The following IMMP2L variants were observed in gnomAD, a reference collection of about 807,000 sequenced individuals.
The protein encoded by IMMP2L is inner mitochondrial membrane peptidase subunit 2, also known as mitochondrial inner membrane protease subunit 2.
A neutral mutation model predicts 19.3 loss-of-function variants in IMMP2L; 18 were observed. The observed-to-expected ratio is 0.93, with a 90% CI of 0.64 to 1.38. The LOEUF is 1.38. Ranked by LOEUF, IMMP2L falls within the 40% of genes most tolerant of loss-of-function variation. The pLI is 0.00. For missense variants in IMMP2L, 233 were observed against 218.2 expected, an observed-to-expected ratio of 1.07 and a Z score of -0.43; for synonymous variants, 76 against 73.0, an observed-to-expected ratio of 1.04 and a Z score of -0.21.
intron 3 of IMMP2L, among the ~76,000 whole-genome samples, chr7:111,416,478 G>T (rs1384953614): frequency 1.3e-5 from 2 of 151,794 alleles, no homozygotes; most frequent in Non-Finnish European, 2.9e-5. Context: ...AAACTAAGCA[G>T]CAACATAAAA....
intron 5 of IMMP2L, among the ~76,000 whole-genome samples, chr7:110,775,549 C>T (rs941522823): frequency 6.6e-6 from 1 of 151,890 alleles, no homozygotes; most frequent in African/African-American, 2.4e-5. Context: ...AAGACACACA[C>T]AAAAAATGTT....
intron 5 of IMMP2L, among the ~76,000 whole-genome samples, chr7:110,699,955 AG>A (rs1230000380): frequency 6.6e-6 from 1 of 152,182 alleles, no homozygotes; most frequent in Non-Finnish European, 1.5e-5. Flanking sequence ...GTAAAAAGCC[AG>A]GGCCCTCTCT....
chr7:111,379,935 G>C (rs551762417), intron 3 of IMMP2L, among the ~76,000 whole-genome samples: 1 of 151,916 alleles, frequency 6.6e-6, no homozygotes, highest in South Asian at 2.1e-4. Context: ...TACATTGCAA[G>C]TGGCAACTGT....
chr7:111,311,992 T>G (rs1338834051), intron 3 of IMMP2L, among the ~76,000 whole-genome samples: 2 of 152,122 alleles, frequency 1.3e-5, no homozygotes, highest in African/African-American at 4.8e-5. Context: ...CTTCCCAGAT[T>G]TCTTCAAGGA....
intron 5 of IMMP2L, among the ~76,000 whole-genome samples, chr7:110,804,727 A>G (rs1162036678): frequency 6.6e-5 from 10 of 152,088 alleles, no homozygotes; most frequent in Non-Finnish European, 1.3e-4. Flanking sequence ...CTTCCTCCCA[A>G]ACCCACTCCC....
At chr7:111,018,582 T>C (rs1356304657) in intron 3 of IMMP2L, among the ~76,000 whole-genome samples, 1 of 152,102 alleles carries the variant, frequency 6.6e-6, no homozygotes, top group Non-Finnish European at 1.5e-5. Flanking sequence ...GTTCTAAGTA[T>C]TTTGCATAAA....
At chr7:110,930,139 T>C (rs1452767716) in intron 4 of IMMP2L, among the ~76,000 whole-genome samples, 1 of 152,142 alleles carries the variant, frequency 6.6e-6, no homozygotes, top group Non-Finnish European at 1.5e-5. Flanking sequence ...CATGGTGCTT[T>C]AACATGGCAC....
chr7:110,874,099 G>C (rs1289754535), intron 5 of IMMP2L, among the ~76,000 whole-genome samples: 3 of 152,086 alleles, frequency 2.0e-5, no homozygotes, highest in African/African-American at 7.2e-5. Context: ...TGCATGATTT[G>C]TGATGTTTTT....
chr7:111,517,351 A>G (rs1432558757), intron 2 of IMMP2L, among the ~76,000 whole-genome samples: 4 of 152,014 alleles, frequency 2.6e-5, no homozygotes, highest in Admixed American at 2.6e-4. Flanking sequence ...CTAGAGATAC[A>G]GTATTGTGTA....
At chr7:111,445,054 A>G (rs1585126292) in intron 3 of IMMP2L, among the ~76,000 whole-genome samples, 1 of 152,160 alleles carries the variant, frequency 6.6e-6, no homozygotes, top group Non-Finnish European at 1.5e-5. Context: ...ATTTAAGGAA[A>G]TCAATTGCTA....
At chr7:111,132,602 C>T (rs550170634) in intron 3 of IMMP2L, among the ~76,000 whole-genome samples, 6 of 152,048 alleles carry the variant, frequency 3.9e-5, no homozygotes, top group East Asian at 3.9e-4. Flanking sequence ...TGTTGACTGA[C>T]GTGTAATCTA....
At chr7:111,323,510 T>G in intron 3 of IMMP2L, among the ~76,000 whole-genome samples, 1 of 152,086 alleles carries the variant, frequency 6.6e-6, no homozygotes, top group South Asian at 2.1e-4. Context: ...GGAGAAGATA[T>G]GGAGAAATAG....
At chr7:111,126,733 T>C (rs892842861) in intron 3 of IMMP2L, among the ~76,000 whole-genome samples, 5 of 152,112 alleles carry the variant, frequency 3.3e-5, no homozygotes, top group South Asian at 2.1e-4. Context: ...CCTGCAAAAA[T>C]AGAAGTATTT....
At chr7:111,092,986 A>G (rs1797022458) in intron 3 of IMMP2L, among the ~76,000 whole-genome samples, 1 of 152,220 alleles carries the variant, frequency 6.6e-6, no homozygotes, top group Admixed American at 6.5e-5. Context: ...TTGTAATATA[A>G]GCCAAAGCAA....
At chr7:111,253,905 A>T (rs569758015) in intron 3 of IMMP2L, among the ~76,000 whole-genome samples, 1 of 152,268 alleles carries the variant, frequency 6.6e-6, no homozygotes, top group East Asian at 1.9e-4. Flanking sequence ...ACAAATCCAG[A>T]TATCAGAATT....
At chr7:110,862,650 T>C (rs971576467) in intron 5 of IMMP2L, among the ~76,000 whole-genome samples, 3 of 151,846 alleles carry the variant, frequency 2.0e-5, no homozygotes, top group African/African-American at 7.3e-5. Flanking sequence ...GAAAGTAAAA[T>C]TTAATAGAAA....
At chr7:110,914,316 A>G (rs116798011) in intron 4 of IMMP2L, among the ~76,000 whole-genome samples, 2,280 of 152,326 alleles carry the variant, frequency 0.015, 62 homozygotes, top group African/African-American at 0.052. Flanking sequence ...CATCAAATGG[A>G]AAGTTTGCTC....
At position 110,760,878 on chromosome 7, in the gene IMMP2L, G is replaced by C. The variant is rs1460546546; in HGVS notation, c.409-97157C>G. ...CATGCAGACCTTAGAGGAAATTATG[G>C]CCCAACAAGCCACAGGAGCCAGAGA... On this transcript the variant is annotated intron_variant, in intron 5 of 5. Transcript: ENST00000405709. The surrounding 1 kb of genome is among the most constrained non-coding windows in gnomAD (Gnocchi z 4.2). 6.6e-6 allele frequency among the ~76,000 whole-genome samples: 1 copy of C among 152,072 alleles called. No homozygotes were observed. The highest frequency in any genetic ancestry group is 1.5e-5 in the Non-Finnish European group (1 of 68,018).
At chr7:110,748,550 T>C (rs1357298068) in intron 5 of IMMP2L, among the ~76,000 whole-genome samples, 1 of 151,882 alleles carries the variant, frequency 6.6e-6, no homozygotes, top group Non-Finnish European at 1.5e-5. Context: ...TCAAAACAGA[T>C]ATATAGACCA....
Sources: gnomAD v4.1 joint callset for allele counts (sites outside exome capture counted in the v4.1 genomes callset) on GRCh38, gnomAD v4.1.1 for gene constraint, Gnocchi (gnomAD v3.1) non-coding constraint, MANE v1.5 for transcripts, NCBI Gene and HGNC (gene_info 2026-07-23, HGNC 2026-07-21) for gene names.